The following IGDCC3 variants were observed in gnomAD, a reference collection of about 807,000 sequenced individuals.
IGDCC3 encodes putative neuronal cell adhesion molecule.
IGDCC3 carries 47 observed loss-of-function variants against 72.0 expected under a neutral mutation model. The observed-to-expected ratio is 0.65, with a 90% confidence interval of 0.52 to 0.83. The LOEUF (loss-of-function observed/expected upper bound fraction) is 0.83. Among genes scored for constraint, IGDCC3 ranks in the 40% least tolerant of loss-of-function variants. IGDCC3 has a pLI of 0.00. For missense variants in IGDCC3, 1,038 were observed against 1,091.3 expected (o/e 0.95, Z 0.69); for synonymous variants, 477 against 472.8 (o/e 1.01, Z -0.11).
chr15:65,348,560 G>T (rs1047895240), intron 2 of IGDCC3, among the ~76,000 whole-genome samples: 4 of 152,142 alleles, frequency 2.6e-5, no homozygotes, highest in African/African-American at 9.7e-5. Flanking sequence ...TAAGTGATGC[G>T]GTACCCAGGT....
intron 2 of IGDCC3, among the ~76,000 whole-genome samples, chr15:65,341,297 G>A (rs2091079149): frequency 6.6e-6 from 1 of 152,132 alleles, no homozygotes; most frequent in Non-Finnish European, 1.5e-5. Flanking sequence ...AAACGGTGCC[G>A]CTGCTGTGGA....
In IGDCC3 at chr15:65,377,783, A is replaced by G; in HGVS notation, c.6T>C (p.Ala2=). The part of the protein sequence containing the change: M[A]VQRAASPRRP... Reference sequence around the variant, plus strand: ...GGCGCGGAGACGCGGCGCGCTGCACAGCCATGGGGCTCTCGGTCAGCTCGG... The same window carrying G: ...GGCGCGGAGACGCGGCGCGCTGCACGGCCATGGGGCTCTCGGTCAGCTCGG... Residue 2 remains alanine (A), a synonymous_variant, in exon 1 of 14, where the codon GCT becomes GCC. Transcript: ENST00000327987. This position sits in a 1 kb window ranked among gnomAD's most constrained non-coding sequence, Gnocchi z 4.9. 2.4e-6 allele frequency: 3 copies of G among 1,252,322 alleles called. No individual in the cohort carries two copies. The highest frequency in any genetic ancestry group is 3.1e-4 in the Middle Eastern group (1 of 3,184). 77.6% of individuals were successfully genotyped at this position (1,252,322 alleles called of 1,614,324 possible).
At chr15:65,341,930 C>T (rs946633008) in intron 2 of IGDCC3, among the ~76,000 whole-genome samples, 13 of 152,156 alleles carry the variant, frequency 8.5e-5, no homozygotes, top group Admixed American at 8.5e-4. Context: ...CCTGCCACCA[C>T]GCTTGGATAA....
In IGDCC3 at chr15:65,327,295, G is replaced by C. The variant is rs2090926618; in HGVS notation, c.*1614C>G. On this transcript the variant is annotated 3_prime_UTR_variant, in exon 14 of 14. Transcript: ENST00000327987. Reference sequence around the variant, plus strand: ...TGGGAACAGAGGGGGCACTGCCTTGGAGCTTTGTGGAGCCCTGGGCATCCA... The same window carrying C: ...TGGGAACAGAGGGGGCACTGCCTTGCAGCTTTGTGGAGCCCTGGGCATCCA... 1 of 152,506 alleles carries C rather than the reference G, an allele frequency of 6.6e-6. No individual in the cohort carries two copies. The highest frequency in any genetic ancestry group is 2.1e-4 in the South Asian group (1 of 4,824). 9.4% of individuals were successfully genotyped at this position (152,506 alleles called of 1,614,324 possible). A position where few individuals can be genotyped will look rare whatever the true frequency, so the allele number is the denominator to read the frequency against.
At position 65,330,676 on chromosome 15, in the gene IGDCC3, G is replaced by T; in HGVS notation, c.1627C>A (p.Pro543Thr). The T allele has an allele frequency of 1.9e-6, 3 of 1,613,482 alleles. No homozygotes were observed. The highest frequency in any genetic ancestry group is 2.5e-6 in the Non-Finnish European group (3 of 1,179,730). ...GSSSLQLLWE[P>T]WPRLAQHEGG... is the part of the protein sequence containing the mutation. Reference sequence around the variant, plus strand: ...TCGTGCTGGGCCAGCCGGGGCCAAGGCTCCCACAGCAGCTGCAAGGAGGAG... The same window carrying T: ...TCGTGCTGGGCCAGCCGGGGCCAAGTCTCCCACAGCAGCTGCAAGGAGGAG... Residue 543 changes from proline to threonine, a missense_variant, in exon 10 of 14, where the codon CCT becomes ACT. By Grantham distance (38) the Pro-to-Thr change is conservative (BLOSUM62 -1). Coordinates refer to ENST00000327987, the MANE Select transcript of IGDCC3 (RefSeq NM_004884.4).
chr15:65,359,988 C>T (rs1175353506), intron 2 of IGDCC3, among the ~76,000 whole-genome samples: 1 of 152,164 alleles, frequency 6.6e-6, no homozygotes, highest in Non-Finnish European at 1.5e-5. Context: ...ATACCCACAG[C>T]TCCCCATTCT....
rs2091232202 is a variant in IGDCC3, at chr15:65,357,522, A to G, written c.409+17575T>C. ...CTTGCATAGAAGTATCCATCTATCCATCCATTTATTTGAGAATAAAATAAA... is the reference window on the plus strand; with the variant it reads ...CTTGCATAGAAGTATCCATCTATCCGTCCATTTATTTGAGAATAAAATAAA... On this transcript the variant is annotated intron_variant, in intron 2 of 13. Coordinates refer to ENST00000327987, the MANE Select transcript of IGDCC3 (RefSeq NM_004884.4). 3.3e-5 allele frequency among the ~76,000 whole-genome samples: 5 copies of G among 152,216 alleles called. No individual in the cohort carries two copies. In the South Asian group the frequency reaches 1.0e-3, roughly 32 times the overall value.
chr15:65,341,702 CTT>C (rs987647077), intron 2 of IGDCC3, among the ~76,000 whole-genome samples: 10 of 152,208 alleles, frequency 6.6e-5, no homozygotes, highest in Non-Finnish European at 1.5e-4. Context: ...CATCAGAAGA[CTT>C]TGAGTAAGTT....
chr15:65,333,126 C>T (rs951862023), intron 6 of IGDCC3, 131 bp downstream of exon 6: 12 of 858,894 alleles, frequency 1.4e-5, no homozygotes, highest in African/African-American at 3.5e-5. Context: ...GCCTGGGGGC[C>T]GGTGAGGGGC....
At chr15:65,330,927 G>A in intron 9 of IGDCC3, 123 bp downstream of exon 9, 3 of 1,217,608 alleles carry the variant, frequency 2.5e-6, no homozygotes, top group Non-Finnish European at 3.4e-6. Flanking sequence ...AGTAGACTCA[G>A]CCCTGACAGC....
chr15:65,333,950 G>C (rs1361378571), intron 5 of IGDCC3, among the ~76,000 whole-genome samples: 1 of 152,036 alleles, frequency 6.6e-6, no homozygotes, highest in Non-Finnish European at 1.5e-5. Context: ...TGATGGTGCG[G>C]CCACTCTTTC....
intron 2 of IGDCC3, among the ~76,000 whole-genome samples, chr15:65,372,903 C>G (rs1457527408): frequency 6.6e-6 from 1 of 152,178 alleles, no homozygotes; most frequent in Non-Finnish European, 1.5e-5. Flanking sequence ...TCTGAGCATT[C>G]TCCCATGGGA....
intron 2 of IGDCC3, among the ~76,000 whole-genome samples, chr15:65,359,467 C>T (rs1226083138): frequency 2.0e-5 from 3 of 152,104 alleles, no homozygotes; most frequent in African/African-American, 7.2e-5. Flanking sequence ...TCCAGCTTTC[C>T]TGGGAGGGTG....
intron 2 of IGDCC3, among the ~76,000 whole-genome samples, chr15:65,353,610 T>C (rs529980083): frequency 6.6e-6 from 1 of 152,098 alleles, no homozygotes; most frequent in Non-Finnish European, 1.5e-5. Context: ...CAGCACAAAA[T>C]ACAGGTCATA....
chr15:65,335,197 G>A, intron 4 of IGDCC3, 94 bp downstream of exon 4: 1 of 1,368,912 alleles, frequency 7.3e-7, no homozygotes, highest in Non-Finnish European at 1.0e-6. Flanking sequence ...GGCTGAGAAG[G>A]CTGCAGAGGC....
chr15:65,348,603 G>A (rs550377919), intron 2 of IGDCC3, among the ~76,000 whole-genome samples: 4 of 152,284 alleles, frequency 2.6e-5, no homozygotes, highest in South Asian at 4.1e-4. Flanking sequence ...GCCCAACTTC[G>A]GGGAGTTAGA....
At chr15:65,357,906 CCAAAA>C (rs941027226) in intron 2 of IGDCC3, among the ~76,000 whole-genome samples, 11 of 152,052 alleles carry the variant, frequency 7.2e-5, no homozygotes, top group Non-Finnish European at 5.9e-5. Context: ...TTAGAGAACT[CCAAAA>C]CAAAACAAAA....
At chr15:65,348,674 G>C (rs775658536) in intron 2 of IGDCC3, among the ~76,000 whole-genome samples, 2 of 152,176 alleles carry the variant, frequency 1.3e-5, no homozygotes, top group African/African-American at 4.8e-5. Context: ...ATGCTTGACC[G>C]ACCCCGGGTT....
At chr15:65,348,826 C>T (rs2091148468) in intron 2 of IGDCC3, among the ~76,000 whole-genome samples, 1 of 152,178 alleles carries the variant, frequency 6.6e-6, no homozygotes, top group South Asian at 2.1e-4. Flanking sequence ...AGCTGCTTTG[C>T]ACTCTTTGCT....
Sources: allele counts gnomAD v4.1 joint callset (sites outside exome capture counted in the v4.1 genomes callset), GRCh38; gene constraint gnomAD v4.1.1; non-coding constraint Gnocchi (gnomAD v3.1); transcripts MANE v1.5; gene names NCBI Gene and HGNC (gene_info 2026-07-23, HGNC 2026-07-21).